The following DERA variants were observed in gnomAD, a reference collection of about 807,000 sequenced individuals.
The protein encoded by DERA is 2-deoxy-D-ribose 5-phosphate aldolase.
Under a neutral mutation model 41.1 loss-of-function variants are expected in DERA, and 15 were observed. The ratio of observed to expected loss-of-function variants is 0.37; its 90% CI spans 0.24 to 0.56. The LOEUF is 0.56. Among genes scored for constraint, DERA ranks in the 20% least tolerant of loss-of-function variants. DERA has a pLI of 0.81. For missense variants in DERA, 396 were observed against 403.4 expected (o/e 0.98, Z 0.16); for synonymous variants, 139 against 137.4 (o/e 1.01, Z -0.08).
chr12:15,976,355 C>T lies in DERA; in HGVS notation c.509-5953C>T, dbSNP rs971298466. 6.6e-6 allele frequency among the ~76,000 whole-genome samples: 1 copy of T among 152,136 alleles called. No individual in the cohort carries two copies. The highest frequency in any genetic ancestry group is 2.4e-5 in the African/African-American group (1 of 41,420). On this transcript the variant is annotated intron_variant, in intron 5 of 8. Coordinates refer to ENST00000428559, the MANE Select transcript of DERA (RefSeq NM_015954.4). The surrounding 1 kb of genome is among the most constrained non-coding windows in gnomAD (Gnocchi z 4.1). ...TCCCCAACCCCTAGAATTTTCAGTC[C>T]TCGCTGGTAAGGGTGACCTTCACTT...
chr12:15,937,729 C>T (rs190452833), intron 1 of DERA, among the ~76,000 whole-genome samples: 35 of 152,170 alleles, frequency 2.3e-4, no homozygotes, highest in Admixed American at 2.2e-3. Context: ...TTTTTCCTTG[C>T]CCCTAGATGT....
At chr12:15,917,257 A>G (rs1434056810) in intron 1 of DERA, among the ~76,000 whole-genome samples, 2 of 152,338 alleles carry the variant, frequency 1.3e-5, no homozygotes, top group East Asian at 1.9e-4. Context: ...ATTAGGTGGC[A>G]TATGAAAATT....
At chr12:15,971,324 G>A (rs1948658060) in intron 5 of DERA, among the ~76,000 whole-genome samples, 1 of 152,052 alleles carries the variant, frequency 6.6e-6, no homozygotes, top group South Asian at 2.1e-4. Context: ...AAATCTATCA[G>A]GTAAACTGCT....
At chr12:15,987,771 G>GT (rs575169442) in intron 6 of DERA, among the ~76,000 whole-genome samples, 150 of 151,960 alleles carry the variant, frequency 9.9e-4, no homozygotes, top group African/African-American at 3.4e-3. Flanking sequence ...AGAAACCTCC[G>GT]TGCACTTCTG....
At chr12:15,974,908 C>T (rs80318018) in intron 5 of DERA, among the ~76,000 whole-genome samples, 2 of 152,224 alleles carry the variant, frequency 1.3e-5, no homozygotes, top group East Asian at 3.9e-4. Flanking sequence ...TTCCCTCTCT[C>T]TCTCCTTCCC....
intron 5 of DERA, among the ~76,000 whole-genome samples, chr12:15,980,337 G>A (rs1432123912): frequency 6.6e-6 from 1 of 152,150 alleles, no homozygotes; most frequent in Non-Finnish European, 1.5e-5. Flanking sequence ...CTACTCTAAA[G>A]CCTGCTTTTA....
intron 1 of DERA, among the ~76,000 whole-genome samples, chr12:15,947,785 T>C (rs113663012): frequency 6.0e-4 from 92 of 152,326 alleles, no homozygotes; most frequent in African/African-American, 2.1e-3. Context: ...TGTTAGTTGA[T>C]GCAGTTTCTT....
intron 1 of DERA, among the ~76,000 whole-genome samples, chr12:15,952,684 T>G (rs1370227717): frequency 6.6e-6 from 1 of 152,262 alleles, no homozygotes; most frequent in Admixed American, 6.5e-5. Context: ...CTTTGAAATC[T>G]ATGTATTTTA....
In DERA at chr12:15,926,654, T is replaced by G. The variant is rs539707034; in HGVS notation, c.31+15240T>G. ...GGGAGGCTGAGGCAGGGGAATGGCG[T>G]GAACCCGGGAGGCGGAGCTTGCAGT... On this transcript the variant is annotated intron_variant, in intron 1 of 8. Coordinates refer to ENST00000428559, the MANE Select transcript of DERA (RefSeq NM_015954.4). Among the ~76,000 whole-genome samples the G allele has an allele frequency of 2.7e-5, 4 of 147,812 alleles. No individual in the cohort carries two copies. The East Asian group carries it at 6.0e-4, about 22-fold the overall frequency.
rs1259182532 is a variant in DERA at position 15,948,390 on chromosome 12, C to G, written c.32-8546C>G. On this transcript the variant is annotated intron_variant, in intron 1 of 8. Transcript: ENST00000428559. ...CACATAGTCCCATATTTCTTGGAGG[C>G]TTTGTTTGTTTCTTTTTACTCTTTT... Among the ~76,000 whole-genome samples the G allele has an allele frequency of 1.3e-5, 2 of 152,076 alleles. 1 individual carries two copies. The highest frequency in any genetic ancestry group is 4.1e-4 in the South Asian group (2 of 4,832).
rs1033164876 is a variant in DERA, at chr12:16,036,451, T to C, written c.900+70T>C. On this transcript the variant is annotated intron_variant, in intron 8 of 8. Transcript: ENST00000428559. This position sits in a 1 kb window ranked among gnomAD's most constrained non-coding sequence, Gnocchi z 4.9. ...TTGAGAAAGGAATTGAAAAGTCAAA[T>C]TGAGAACTGGAGATAAAAACTCATC... 1 of 1,501,882 alleles carries C rather than the reference T, an allele frequency of 6.7e-7. No individual in the cohort carries two copies. Among genetic ancestry groups the C allele is most frequent in the Non-Finnish European group, 9.0e-7 (1 of 1,114,726 alleles). 93.0% of individuals were successfully genotyped at this position (1,501,882 alleles called of 1,614,324 possible).
At position 16,012,606 on chromosome 12, in the gene DERA, A is replaced by G. The variant is rs1324534777; in HGVS notation, c.638-19936A>G. On this transcript the variant is annotated intron_variant, in intron 6 of 8. Transcript: ENST00000428559. This position sits in a 1 kb window ranked among gnomAD's most constrained non-coding sequence, Gnocchi z 4.1. ...AGAGAGAATAGTCAAGTGCTGTCAC[A>G]GGGGATCTTCTTATTCTATTCTACC... is the stretch of plus-strand genomic sequence containing the variant. Among the ~76,000 whole-genome samples, 1 of 152,198 alleles carries G rather than the reference A, an allele frequency of 6.6e-6. No individual in the cohort carries two copies. Among genetic ancestry groups the G allele is most frequent in the African/African-American group, 2.4e-5 (1 of 41,458 alleles).
Position 15,994,954 on chromosome 12 carries a change from CT to C in DERA, c.637+12522del, listed in dbSNP as rs1386892587. Among the ~76,000 whole-genome samples the C allele has an allele frequency of 5.9e-5, 9 of 152,240 alleles. No homozygotes were observed. In the East Asian group the frequency reaches 1.7e-3, roughly 29 times the overall value. ...GGGAGGAGAGGTATCTTATTATCAT[CT>C]TTTAGTAGATGAAAACCTGAAGCTC... On this transcript the variant is annotated intron_variant, in intron 6 of 8. Transcript: ENST00000428559. This position sits in a 1 kb window ranked among gnomAD's most constrained non-coding sequence, Gnocchi z 4.8.
In DERA at chr12:15,931,476, C is replaced by T. The variant is rs1948327397; in HGVS notation, c.31+20062C>T. ...TGAATTTCTCTAAGGTGTAATGATT[C>T]TCTCTGTAAGTTAGGCACATTTAGG... On this transcript the variant is annotated intron_variant, in intron 1 of 8. Coordinates refer to ENST00000428559, the MANE Select transcript of DERA (RefSeq NM_015954.4). This position sits in a 1 kb window ranked among gnomAD's most constrained non-coding sequence, Gnocchi z 4.6. Among the ~76,000 whole-genome samples, 1 of 152,210 alleles carries T rather than the reference C, an allele frequency of 6.6e-6. No homozygotes were observed. Among genetic ancestry groups the T allele is most frequent in the Non-Finnish European group, 1.5e-5 (1 of 68,050 alleles).
intron 1 of DERA, among the ~76,000 whole-genome samples, chr12:15,944,673 G>T (rs1035844677): frequency 2.6e-5 from 4 of 152,190 alleles, no homozygotes; most frequent in Non-Finnish European, 5.9e-5. Context: ...CTCCCATTCT[G>T]TAGGTTGCCT....
rs1037481326 is a variant in DERA, at chr12:15,990,206, T to A, written c.637+7770T>A. On this transcript the variant is annotated intron_variant, in intron 6 of 8. Transcript: ENST00000428559. This position sits in a 1 kb window ranked among gnomAD's most constrained non-coding sequence, Gnocchi z 4.3. Reference sequence around the variant, plus strand: ...ACCCTTCAAAACCATTTGGTGTAGCTGTAGGGGAGACAAATGACATTGAGC... The same window carrying A: ...ACCCTTCAAAACCATTTGGTGTAGCAGTAGGGGAGACAAATGACATTGAGC... 1.3e-5 allele frequency among the ~76,000 whole-genome samples: 2 copies of A among 152,228 alleles called. No homozygotes were observed. The highest frequency in any genetic ancestry group is 6.5e-5 in the Admixed American group (1 of 15,286).
In DERA at chr12:15,967,654, C is replaced by A. The variant is rs1948631971; in HGVS notation, c.508+4707C>A. The stretch of plus-strand genomic sequence containing the variant: ...TTGTGCTTTTTGATTTATGTATCTT[C>A]TTATTTGTTACTGTTTTTTTGCCTA... On this transcript the variant is annotated intron_variant, in intron 5 of 8. Transcript: ENST00000428559. This position sits in a 1 kb window ranked among gnomAD's most constrained non-coding sequence, Gnocchi z 4.9. Among the ~76,000 whole-genome samples, 2 of 152,194 alleles carry A rather than the reference C, an allele frequency of 1.3e-5. No homozygotes were observed. The highest frequency in any genetic ancestry group is 4.2e-4 in the South Asian group (2 of 4,814).
At chr12:16,028,783 T>C (rs1353786116) in intron 6 of DERA, among the ~76,000 whole-genome samples, 3 of 152,208 alleles carry the variant, frequency 2.0e-5, no homozygotes, top group Middle Eastern at 3.4e-3. Flanking sequence ...CAAATCCCAA[T>C]TGAGGGAGGG....
At position 15,977,514 on chromosome 12, in the gene DERA, G is replaced by A. The variant is rs187825261; in HGVS notation, c.509-4794G>A. 4.1e-3 allele frequency among the ~76,000 whole-genome samples: 619 copies of A among 152,260 alleles called. 1 individual carries two copies. Among genetic ancestry groups the A allele is most frequent in the Non-Finnish European group, 6.8e-3 (466 of 68,032 alleles). On this transcript the variant is annotated intron_variant, in intron 5 of 8. Coordinates refer to ENST00000428559, the MANE Select transcript of DERA (RefSeq NM_015954.4). ...ATTGCCTAGGCTGGAGTGCAATGGC[G>A]CAATCTCAGCTCACTGCAACCTTCG...
Sources: gnomAD v4.1 joint callset for allele counts (sites outside exome capture counted in the v4.1 genomes callset) on GRCh38, gnomAD v4.1.1 for gene constraint, Gnocchi (gnomAD v3.1) non-coding constraint, MANE v1.5 for transcripts, NCBI Gene and HGNC (gene_info 2026-07-23, HGNC 2026-07-21) for gene names.